PCM1: variants seen among roughly 807,000 people sequenced by gnomAD.
PCM1 encodes pericentriolar material 1, also known as pericentriolar material 1 protein.
PCM1 carries 157 observed loss-of-function variants against 241.9 expected under a neutral mutation model. That is an observed-to-expected ratio of 0.65 (90% confidence interval 0.57 to 0.74). PCM1 has a LOEUF of 0.74. Among genes scored for constraint, PCM1 ranks in the 30% least tolerant of loss-of-function variants. The probability of loss-of-function intolerance (pLI) is 0.00; values close to 1 mark genes in which losing one functional copy is unlikely to be tolerated. For missense variants in PCM1, 3,478 were observed against 2,360.1 expected (o/e 1.47, Z -9.81); for synonymous variants, 1,085 against 784.9 (o/e 1.38, Z -6.39).
chr8:17,960,585 C>A, intron 15 of PCM1, 141 bp downstream of exon 15: 1 of 569,574 alleles, frequency 1.8e-6, no homozygotes, highest in Non-Finnish European at 2.8e-6. Flanking sequence ...AGTGCAGTGG[C>A]GTGATCTTGG....
intron 30 of PCM1, among the ~76,000 whole-genome samples, chr8:18,007,871 C>G (rs564477650): frequency 6.6e-5 from 10 of 152,182 alleles, no homozygotes; most frequent in African/African-American, 2.4e-4. Flanking sequence ...CATTGAACAT[C>G]ATAGTTGTTT....
chr8:17,973,014 A>G (rs1286248160), intron 23 of PCM1, among the ~76,000 whole-genome samples: 1 of 152,158 alleles, frequency 6.6e-6, no homozygotes, highest in Non-Finnish European at 1.5e-5. Context: ...CAGATCCTGC[A>G]TCCAACTCTT....
At chr8:17,965,667 A>G (rs2074574678) in intron 18 of PCM1, among the ~76,000 whole-genome samples, 1 of 152,248 alleles carries the variant, frequency 6.6e-6, no homozygotes, top group East Asian at 1.9e-4. Flanking sequence ...CAGTAGCTCC[A>G]CTTGATGAAA....
At chr8:18,012,763 G>GATT (rs2092684667) in intron 34 of PCM1, among the ~76,000 whole-genome samples, 2 of 152,112 alleles carry the variant, frequency 1.3e-5, no homozygotes, top group South Asian at 4.2e-4. Flanking sequence ...AGTACTCATG[G>GATT]ATTGATCTTC....
At chr8:17,967,777 C>A (rs2075448695) in intron 21 of PCM1, among the ~76,000 whole-genome samples, 1 of 152,188 alleles carries the variant, frequency 6.6e-6, no homozygotes, top group African/African-American at 2.4e-5. Context: ...ATGAATAAGA[C>A]AGTGCTCTCC....
intron 36 of PCM1, among the ~76,000 whole-genome samples, chr8:18,023,744 T>C (rs2237854): frequency 0.78 from 119,153 of 152,162 alleles, 47,203 homozygotes; most frequent in African/African-American, 0.85. Context: ...GTTTTCTTCC[T>C]TTGTGCTTTA....
At chr8:17,988,135 G>C (rs547384925) in intron 26 of PCM1, among the ~76,000 whole-genome samples, 1 of 151,732 alleles carries the variant, frequency 6.6e-6, no homozygotes, top group Non-Finnish European at 1.5e-5. Context: ...TCCTGCTCCC[G>C]ATGATAATAA....
intron 2 of PCM1, chr8:17,926,689 T>C (rs1412779910): frequency 6.6e-6 from 1 of 152,204 alleles, no homozygotes; most frequent in Non-Finnish European, 1.5e-5. Context: ...CAAGGCATTT[T>C]TGCAATGACT....
intron 2 of PCM1, among the ~76,000 whole-genome samples, chr8:17,928,837 G>T (rs886447372): frequency 6.6e-6 from 1 of 151,658 alleles, no homozygotes; most frequent in Non-Finnish European, 1.5e-5. Context: ...TCGCAGTTTG[G>T]AACAGGCTGG....
At chr8:18,001,033 A>G (rs2129483080) in intron 29 of PCM1, among the ~76,000 whole-genome samples, 1 of 152,332 alleles carries the variant, frequency 6.6e-6, no homozygotes, top group Non-Finnish European at 1.5e-5. Context: ...AGATTATAGC[A>G]TATAGCTGCT....
intron 29 of PCM1, among the ~76,000 whole-genome samples, chr8:18,000,328 C>T (rs996031170): frequency 6.6e-6 from 1 of 152,052 alleles, no homozygotes; most frequent in African/African-American, 2.4e-5. Flanking sequence ...GGACTTTGCT[C>T]AAAGTTTGAA....
chr8:17,975,863 T>C (rs528582544), intron 23 of PCM1, among the ~76,000 whole-genome samples: 2 of 152,316 alleles, frequency 1.3e-5, no homozygotes, highest in African/African-American at 4.8e-5. Context: ...AATAATCGTA[T>C]TTTAAACTTG....
At chr8:18,025,812 A>C (rs1482414812) in intron 38 of PCM1, among the ~76,000 whole-genome samples, 154 bp downstream of exon 38, 2 of 152,222 alleles carry the variant, frequency 1.3e-5, no homozygotes, top group African/African-American at 4.8e-5. Context: ...TTTTAGTTCA[A>C]CTATTTATAA....
At chr8:17,925,922 G>A (rs895780899) in intron 2 of PCM1, 1 of 151,962 alleles carries the variant, frequency 6.6e-6, no homozygotes, top group Non-Finnish European at 1.5e-5. Flanking sequence ...GCTCTCCTAT[G>A]AGGACCTGAA....
At chr8:17,971,973 G>A (rs1172476336) in intron 22 of PCM1, among the ~76,000 whole-genome samples, 1 of 152,174 alleles carries the variant, frequency 6.6e-6, no homozygotes, top group East Asian at 1.9e-4. Flanking sequence ...TTGAACTCCT[G>A]GGCTCAAGCA....
Position 17,956,772 on chromosome 8 carries a change from C to A in PCM1, c.1641C>A (p.Asn547Lys). Residue 547 changes from asparagine (N) to lysine (K), a missense_variant, in exon 11 of 39, where the codon AAC becomes AAA. Coordinates refer to ENST00000325083, the MANE Select transcript of PCM1 (RefSeq NM_006197.4). ...SEHENSEPVT[N>K]IRNPQVASTW... ...ATGAAAATTCCGAGCCTGTTACTAA[C>A]ATTCGGTAAGAACTTTTCTGGGGAT... 5.0e-6 allele frequency: 8 copies of A among 1,605,352 alleles called. No individual in the cohort carries two copies. The highest frequency in any genetic ancestry group is 6.8e-6 in the Non-Finnish European group (8 of 1,174,798).
At chr8:17,988,034 T>C (rs1040108839) in intron 26 of PCM1, among the ~76,000 whole-genome samples, 2 of 151,614 alleles carry the variant, frequency 1.3e-5, no homozygotes, top group East Asian at 3.9e-4. Context: ...AAGAGAGAAA[T>C]GAAAGTGAAA....
At position 18,027,737 on chromosome 8, in the gene PCM1, C is replaced by A; in HGVS notation, c.*75C>A. On this transcript the variant is annotated 3_prime_UTR_variant, in exon 39 of 39. Coordinates refer to ENST00000325083, the MANE Select transcript of PCM1 (RefSeq NM_006197.4). The stretch of plus-strand genomic sequence containing the variant: ...TATGAAAACAATACTAAATAAACAT[C>A]TGATCTGTATAAAAATGTAAATTAG... 9.5e-7 allele frequency: 1 copy of A among 1,048,452 alleles called. No individual in the cohort carries two copies. Among genetic ancestry groups the A allele is most frequent in the Non-Finnish European group, 1.4e-6 (1 of 707,532 alleles). The allele number at this position is 1,048,452 out of a possible 1,614,324, so 64.9% of individuals were successfully genotyped here. A position where few individuals can be genotyped will look rare whatever the true frequency, so the allele number is the denominator to read the frequency against.
Position 17,993,561 on chromosome 8 carries a change from C to T in PCM1, c.4769C>T (p.Thr1590Ile), listed in dbSNP as rs1385475266. The part of the protein sequence containing the change: ...VSTIPCPRID[T>I]QQLDRQIKAI... ...ACCATCCCATGTCCTAGAATTGATA[C>T]TCAGCAGCTGGACCGGCAAATTAAA... The change falls in exon 29 of 39, where the codon ACT becomes ATT. Residue 1590 changes from threonine (T) to isoleucine (I), a missense_variant. Coordinates refer to ENST00000325083, the MANE Select transcript of PCM1 (RefSeq NM_006197.4). The T allele has an allele frequency of 2.5e-6, 4 of 1,597,922 alleles. No individual in the cohort carries two copies. Among genetic ancestry groups the T allele is most frequent in the Non-Finnish European group, 3.4e-6 (4 of 1,171,050 alleles).
Sources: gnomAD v4.1 joint callset for allele counts (sites outside exome capture counted in the v4.1 genomes callset) on GRCh38, gnomAD v4.1.1 for gene constraint, MANE v1.5 for transcripts, NCBI Gene and HGNC (gene_info 2026-07-23, HGNC 2026-07-21) for gene names.